CFAP299: variants seen among roughly 807,000 people sequenced by gnomAD.
CFAP299 encodes the protein cilia and flagella associated protein 299, also known as cilia- and flagella-associated protein 299.
A neutral mutation model predicts 27.0 loss-of-function variants in CFAP299; 21 were observed. That is an observed-to-expected ratio of 0.78 (90% confidence interval 0.55 to 1.12). The LOEUF is 1.12. CFAP299 is among the 50% of genes most tolerant of loss of function. The pLI is 0.00. For missense variants in CFAP299, 310 were observed against 276.6 expected (o/e 1.12, Z -0.86); for synonymous variants, 104 against 98.1 (o/e 1.06, Z -0.36).
At chr4:80,933,641 T>C (rs1436646885) in intron 4 of CFAP299, among the ~76,000 whole-genome samples, 1 of 152,138 alleles carries the variant, frequency 6.6e-6, no homozygotes, top group African/African-American at 2.4e-5. Flanking sequence ...TTAGTGTATA[T>C]ATCTTTCACC....
intron 2 of CFAP299, among the ~76,000 whole-genome samples, chr4:80,496,941 T>C (rs1475852716): frequency 2.0e-5 from 3 of 152,070 alleles, no homozygotes; most frequent in Non-Finnish European, 4.4e-5. Flanking sequence ...AATGATCATG[T>C]CTCATGAAAC....
chr4:80,793,872 A>G (rs1235428582), intron 3 of CFAP299, among the ~76,000 whole-genome samples: 2 of 152,142 alleles, frequency 1.3e-5, no homozygotes, highest in Non-Finnish European at 2.9e-5. Context: ...ATTAATGACT[A>G]CCTCGTCTAC....
intron 2 of CFAP299, among the ~76,000 whole-genome samples, chr4:80,450,887 C>CTG (rs1459918753): frequency 8.3e-5 from 8 of 96,812 alleles, no homozygotes; most frequent in Non-Finnish European, 1.3e-4. Context: ...TGGATTAATA[C>CTG]CGTGTGTGTG....
chr4:80,460,767 A>T (rs371648936), intron 2 of CFAP299, among the ~76,000 whole-genome samples: 13 of 152,170 alleles, frequency 8.5e-5, no homozygotes, highest in African/African-American at 3.1e-4. Flanking sequence ...AGAAATTCAC[A>T]CGATTATGTG....
In CFAP299 at chr4:80,385,559, G is replaced by T. The variant is rs567057769; in HGVS notation, c.242+22675G>T. Among the ~76,000 whole-genome samples, 29 of 152,162 alleles carry T rather than the reference G, an allele frequency of 1.9e-4. No homozygotes were observed. In the South Asian group the frequency reaches 5.8e-3, roughly 31 times the overall value. On this transcript the variant is annotated intron_variant, in intron 2 of 5. Coordinates refer to ENST00000358105, the MANE Select transcript of CFAP299 (RefSeq NM_152770.3). ...GTTGTATTGTAAGCCCCATTGTACA[G>T]ATGAGGAACACGGGGCTCAGAGGGG... is the stretch of plus-strand genomic sequence containing the variant.
At chr4:80,369,323 T>A (rs1724016389) in intron 2 of CFAP299, among the ~76,000 whole-genome samples, 1 of 152,162 alleles carries the variant, frequency 6.6e-6, no homozygotes, top group South Asian at 2.1e-4. Flanking sequence ...GAGAGGAAAC[T>A]CACAATAAAG....
intron 3 of CFAP299, among the ~76,000 whole-genome samples, chr4:80,712,136 C>T (rs757309524): frequency 3.3e-5 from 5 of 152,148 alleles, no homozygotes; most frequent in East Asian, 3.8e-4. Context: ...ATGAGGTAAA[C>T]TTCTTGAAGG....
chr4:80,661,074 C>T (rs557039135), intron 3 of CFAP299, among the ~76,000 whole-genome samples: 1 of 152,020 alleles, frequency 6.6e-6, no homozygotes, highest in South Asian at 2.1e-4. Context: ...ACCTGTAATC[C>T]CAGCACTTTG....
chr4:80,462,192 A>T (rs753056603), intron 2 of CFAP299, among the ~76,000 whole-genome samples: 1 of 152,134 alleles, frequency 6.6e-6, no homozygotes, highest in Non-Finnish European at 1.5e-5. Flanking sequence ...TATTTTCAAC[A>T]TCTTCCTTTT....
intron 3 of CFAP299, among the ~76,000 whole-genome samples, chr4:80,611,803 C>G (rs1737996543): frequency 6.6e-6 from 1 of 151,906 alleles, no homozygotes; most frequent in South Asian, 2.1e-4. Context: ...ACCTGAAAAC[C>G]CTGTCACTCA....
rs139335838 is a variant in CFAP299 at position 80,461,979 on chromosome 4, CCTT to C, written c.242+99102_242+99104del. The stretch of plus-strand genomic sequence containing the variant: ...CCAGTTCCATGGAGGAACTCATTCT[CCTT>C]CTTCTTGAGGCTTATGACTCCGCTT... On this transcript the variant is annotated intron_variant, in intron 2 of 5. Coordinates refer to ENST00000358105, the MANE Select transcript of CFAP299 (RefSeq NM_152770.3). 7.2e-5 allele frequency among the ~76,000 whole-genome samples: 11 copies of C among 152,194 alleles called. 1 individual carries two copies. In the South Asian group the frequency reaches 1.2e-3, roughly 17 times the overall value.
At chr4:80,857,263 A>C (rs552551748) in intron 3 of CFAP299, among the ~76,000 whole-genome samples, 21 of 152,220 alleles carry the variant, frequency 1.4e-4, no homozygotes, top group Non-Finnish European at 2.9e-4. Flanking sequence ...TTGTATCCTG[A>C]GACTTTGGTG....
intron 3 of CFAP299, among the ~76,000 whole-genome samples, chr4:80,741,617 T>A (rs1163107212): frequency 6.6e-6 from 1 of 151,826 alleles, no homozygotes; most frequent in Non-Finnish European, 1.5e-5. Flanking sequence ...AAGGAAGGAG[T>A]CACTTTAATT....
chr4:80,576,126 T>C (rs550032728), intron 2 of CFAP299, among the ~76,000 whole-genome samples: 191 of 151,436 alleles, frequency 1.3e-3, no homozygotes, highest in African/African-American at 4.4e-3. Context: ...ATGACACATG[T>C]ATACATATGT....
At position 80,854,862 on chromosome 4, in the gene CFAP299, C is replaced by T. The variant is rs984230034; in HGVS notation, c.334-15131C>T. The stretch of plus-strand genomic sequence containing the variant: ...ACAGAAAAGGAAAATTGGGTTGAAA[C>T]GGTATCAGAATTTTCTAAACTAGAT... On this transcript the variant is annotated intron_variant, in intron 3 of 5. Transcript: ENST00000358105. Among the ~76,000 whole-genome samples the T allele has an allele frequency of 4.7e-5, 5 of 105,652 alleles. No homozygotes were observed. The East Asian group carries it at 8.1e-4, about 17-fold the overall frequency. The allele number at this position is 105,652 out of a possible 152,430, so 69.3% of individuals were successfully genotyped here.
chr4:80,635,703 T>G (rs1739440223), intron 3 of CFAP299, among the ~76,000 whole-genome samples: 2 of 152,190 alleles, frequency 1.3e-5, no homozygotes, highest in African/African-American at 2.4e-5. Context: ...ACTTACCTTT[T>G]CACAGCAGTC....
At chr4:80,634,498 C>T (rs1308049518) in intron 3 of CFAP299, among the ~76,000 whole-genome samples, 1 of 151,950 alleles carries the variant, frequency 6.6e-6, no homozygotes, top group Non-Finnish European at 1.5e-5. Flanking sequence ...TATCTGTATA[C>T]ATAATAGCAT....
At chr4:80,395,927 T>TA (rs1303939811) in intron 2 of CFAP299, among the ~76,000 whole-genome samples, 4 of 152,066 alleles carry the variant, frequency 2.6e-5, no homozygotes, top group African/African-American at 9.7e-5. Flanking sequence ...TTAGAAAACC[T>TA]AAAAAAAGGT....
chr4:80,466,596 T>G (rs1334841328), intron 2 of CFAP299, among the ~76,000 whole-genome samples: 2 of 152,190 alleles, frequency 1.3e-5, no homozygotes, highest in Non-Finnish European at 2.9e-5. Flanking sequence ...AAAATGGCCA[T>G]GGAAGCCTTC....
Sources: gnomAD v4.1 joint callset for allele counts (sites outside exome capture counted in the v4.1 genomes callset) on GRCh38, gnomAD v4.1.1 for gene constraint, MANE v1.5 for transcripts, NCBI Gene and HGNC (gene_info 2026-07-23, HGNC 2026-07-21) for gene names.